Variants in EXD3 observed in about 807,000 individuals in gnomAD.
EXD3 encodes exonuclease 3'-5' domain containing 3.
EXD3 carries 92 observed loss-of-function variants against 98.0 expected under a neutral mutation model. That is an observed-to-expected ratio of 0.94 (90% CI 0.79 to 1.12). EXD3 has a LOEUF of 1.12. Ranked by LOEUF, EXD3 falls within the 50% of genes most tolerant of loss-of-function variation. The pLI is 0.00. For missense variants in EXD3, 1,222 were observed against 1,191.6 expected (o/e 1.03, Z -0.38); for synonymous variants, 569 against 526.0 (o/e 1.08, Z -1.12).
intron 16 of EXD3, among the ~76,000 whole-genome samples, chr9:137,348,759 G>T (rs111333749): frequency 0.19 from 19,573 of 101,788 alleles, 2,782 homozygotes; most frequent in East Asian, 0.48. Flanking sequence ...GGAGGGGTTA[G>T]ATAGAGAGGG....
At chr9:137,356,699 C>T (rs542029276) in intron 7 of EXD3, among the ~76,000 whole-genome samples, 2 of 152,232 alleles carry the variant, frequency 1.3e-5, no homozygotes, top group Non-Finnish European at 2.9e-5. Flanking sequence ...TCAGCACCTT[C>T]CTCACTGGTG....
chr9:137,315,960 C>A (rs937495027), intron 19 of EXD3, among the ~76,000 whole-genome samples: 2 of 150,804 alleles, frequency 1.3e-5, no homozygotes, highest in Non-Finnish European at 3.0e-5. Context: ...ATGGCAGCTC[C>A]CCCCTCCCCC....
At chr9:137,414,494 C>G (rs562345338) in intron 1 of EXD3, among the ~76,000 whole-genome samples, 1 of 152,304 alleles carries the variant, frequency 6.6e-6, no homozygotes, top group Non-Finnish European at 1.5e-5. Flanking sequence ...GCTGCTGAGT[C>G]TCGGTGTTTC....
intron 2 of EXD3, among the ~76,000 whole-genome samples, chr9:137,387,440 C>G (rs911183288): frequency 6.6e-6 from 1 of 152,202 alleles, no homozygotes; most frequent in Non-Finnish European, 1.5e-5. Context: ...TCTGCCGTGC[C>G]GGGCTCAGAC....
At chr9:137,340,499 T>TTA (rs1383805538) in intron 17 of EXD3, among the ~76,000 whole-genome samples, 1 of 150,392 alleles carries the variant, frequency 6.6e-6, no homozygotes, top group African/African-American at 2.4e-5. Context: ...AAAGAAAGAG[T>TTA]TAAATATTCA....
rs879097623 is a variant in EXD3 at position 137,356,117 on chromosome 9, G to A, written c.757+151C>T. ...GCCCACCTCACAGCCACTCTGGCAC[G>A]AGCTGGGCAAGAGGCAGGGAGGGGC... is the stretch of plus-strand genomic sequence containing the variant. On this transcript the variant is annotated intron_variant, in intron 8 of 21. Coordinates refer to ENST00000340951, the MANE Select transcript of EXD3 (RefSeq NM_017820.5). 41 of 632,324 alleles carry A rather than the reference G, an allele frequency of 6.5e-5. No individual in the cohort carries two copies. In the Middle Eastern group the frequency reaches 1.7e-3, roughly 27 times the overall value. 39.2% of individuals were successfully genotyped at this position (632,324 alleles called of 1,614,324 possible). A position where few individuals can be genotyped will look rare whatever the true frequency, so the allele number is the denominator to read the frequency against.
intron 2 of EXD3, chr9:137,392,757 T>C: frequency 2.9e-6 from 1 of 342,780 alleles, no homozygotes; most frequent in Non-Finnish European, 5.5e-6. Context: ...GCACCGAGGC[T>C]GTTCCAGGGG....
At position 137,324,792 on chromosome 9, in the gene EXD3, A is replaced by G. The variant is rs538759587; in HGVS notation, c.1999-649T>C. 8.5e-5 allele frequency among the ~76,000 whole-genome samples: 13 copies of G among 152,272 alleles called. No individual in the cohort carries two copies. Among genetic ancestry groups the G allele is most frequent in the Admixed American group, 5.2e-4 (8 of 15,290 alleles). Reference sequence around the variant, plus strand: ...ACTGCAAGCTCCGCCTCCTGGGTTCATGCCATTCTCCTGCCTCAGCCTCCC... The same window carrying G: ...ACTGCAAGCTCCGCCTCCTGGGTTCGTGCCATTCTCCTGCCTCAGCCTCCC... On this transcript the variant is annotated intron_variant, in intron 17 of 21. Coordinates refer to ENST00000340951, the MANE Select transcript of EXD3 (RefSeq NM_017820.5). This position sits in a 1 kb window ranked among gnomAD's most constrained non-coding sequence, Gnocchi z 4.1.
rs185180968 is a variant in EXD3, at chr9:137,347,973, A to G, written c.1998+98T>C. On this transcript the variant is annotated intron_variant, in intron 17 of 21. Coordinates refer to ENST00000340951, the MANE Select transcript of EXD3 (RefSeq NM_017820.5). This position sits in a 1 kb window ranked among gnomAD's most constrained non-coding sequence, Gnocchi z 4.2. ...TGCCTGGCACAGCTGGCAGCCATGG[A>G]TGAGCTGGAGGGAGGAGTTTGATGC... is the stretch of plus-strand genomic sequence containing the variant. 7.7e-3 allele frequency: 10,546 copies of G among 1,369,912 alleles called. 49 individuals carry two copies. Among genetic ancestry groups the G allele is most frequent in the Non-Finnish European group, 9.5e-3 (9,646 of 1,017,714 alleles). The allele number at this position is 1,369,912 out of a possible 1,614,324, so 84.9% of individuals were successfully genotyped here.
At chr9:137,358,548 G>C (rs1386748642) in intron 7 of EXD3, among the ~76,000 whole-genome samples, 1 of 152,112 alleles carries the variant, frequency 6.6e-6, no homozygotes, top group Non-Finnish European at 1.5e-5. Context: ...TCGCTGCCTG[G>C]ACATCTGTCT....
At position 137,395,839 on chromosome 9, in the gene EXD3, C is replaced by T. The variant is rs897261308; in HGVS notation, c.-47-435G>A. Among the ~76,000 whole-genome samples the T allele has an allele frequency of 2.0e-5, 3 of 152,210 alleles. No homozygotes were observed. Among genetic ancestry groups the T allele is most frequent in the Middle Eastern group, 3.2e-3 (1 of 316 alleles). On this transcript the variant is annotated intron_variant, in intron 1 of 21. Coordinates refer to ENST00000340951, the MANE Select transcript of EXD3 (RefSeq NM_017820.5). This position sits in a 1 kb window ranked among gnomAD's most constrained non-coding sequence, Gnocchi z 6.5. The stretch of plus-strand genomic sequence containing the variant: ...GCAAGGGCGCCTGCAGGACCAGGGA[C>T]CTCGGAGTGACGCCCTCACGGCTGA...
intron 17 of EXD3, among the ~76,000 whole-genome samples, chr9:137,336,780 T>C (rs932221082): frequency 1.3e-5 from 2 of 150,666 alleles, no homozygotes; most frequent in African/African-American, 4.9e-5. Context: ...AGCTTTCAAA[T>C]TGACTGAAGG....
chr9:137,330,182 A>AG (rs1331698639), intron 17 of EXD3, among the ~76,000 whole-genome samples: 7 of 133,104 alleles, frequency 5.3e-5, no homozygotes, highest in African/African-American at 2.1e-4. Flanking sequence ...GCTACACGGG[A>AG]CTACACAGGA....
chr9:137,351,797 C>T (rs924060194), intron 12 of EXD3, among the ~76,000 whole-genome samples: 3 of 152,222 alleles, frequency 2.0e-5, no homozygotes, highest in Non-Finnish European at 4.4e-5. Flanking sequence ...GTCAGGGAGG[C>T]ACCCCACGTC....
intron 17 of EXD3, among the ~76,000 whole-genome samples, chr9:137,341,068 C>CTG (rs1833630241): frequency 6.6e-6 from 1 of 152,212 alleles, no homozygotes; most frequent in African/African-American, 2.4e-5. Flanking sequence ...GTAATCCCAG[C>CTG]ACTTTGGGAG....
At chr9:137,367,560 C>G in intron 6 of EXD3, 1 of 195,736 alleles carries the variant, frequency 5.1e-6, no homozygotes, top group Non-Finnish European at 1.0e-5. Flanking sequence ...AGTTAGGTGA[C>G]TGCTTCCCCC....
At chr9:137,413,709 G>T (rs924265048) in intron 1 of EXD3, among the ~76,000 whole-genome samples, 5 of 151,274 alleles carry the variant, frequency 3.3e-5, no homozygotes, top group Admixed American at 6.6e-5. Flanking sequence ...GCCATGTTTG[G>T]CCAGGCTGGT....
chr9:137,401,794 G>A (rs776261625), intron 1 of EXD3, among the ~76,000 whole-genome samples: 18 of 152,268 alleles, frequency 1.2e-4, no homozygotes, highest in Non-Finnish European at 2.1e-4. Context: ...TTTTCCTCCC[G>A]GGCCTCCAGG....
chr9:137,328,645 C>T (rs1215958389), intron 17 of EXD3, among the ~76,000 whole-genome samples: 2 of 76,946 alleles, frequency 2.6e-5, no homozygotes, highest in South Asian at 1.0e-3. Context: ...CACGGGGCTA[C>T]ACGGGACTAC....
Sources: gnomAD v4.1 joint callset for allele counts (sites outside exome capture counted in the v4.1 genomes callset) on GRCh38, gnomAD v4.1.1 for gene constraint, Gnocchi (gnomAD v3.1) non-coding constraint, MANE v1.5 for transcripts, NCBI Gene and HGNC (gene_info 2026-07-23, HGNC 2026-07-21) for gene names.